The following BCAP29 variants were observed in gnomAD, a reference collection of about 807,000 sequenced individuals.
BCAP29 encodes the protein B cell receptor associated protein 29, also known as B-cell receptor-associated protein 29.
A neutral mutation model predicts 31.8 loss-of-function variants in BCAP29; 34 were observed. The ratio of observed to expected loss-of-function variants is 1.07; its 90% CI spans 0.81 to 1.42. The LOEUF is 1.42. Among genes scored for constraint, BCAP29 ranks in the 40% most tolerant of loss-of-function variants. The pLI is 0.00. For missense variants in BCAP29, 314 were observed against 269.2 expected (o/e 1.17, Z -1.16); for synonymous variants, 104 against 91.3 (o/e 1.14, Z -0.79).
At chr7:107,611,280 T>C (rs929457932) in intron 6 of BCAP29, among the ~76,000 whole-genome samples, 1 of 152,044 alleles carries the variant, frequency 6.6e-6, no homozygotes, top group African/African-American at 2.4e-5. Flanking sequence ...AAAACTACCA[T>C]TGTAGGCCAG....
chr7:107,598,573 T>C (rs1361865248), intron 5 of BCAP29, among the ~76,000 whole-genome samples: 2 of 152,190 alleles, frequency 1.3e-5, no homozygotes, highest in African/African-American at 4.8e-5. Context: ...AGACCATGTT[T>C]CTCTTATATT....
chr7:107,608,544 T>A (rs576134035), intron 6 of BCAP29, among the ~76,000 whole-genome samples: 1 of 152,334 alleles, frequency 6.6e-6, no homozygotes, highest in South Asian at 2.1e-4. Context: ...CAGGCTTATC[T>A]TGAACATTTC....
intron 6 of BCAP29, among the ~76,000 whole-genome samples, chr7:107,612,391 T>TTATA (rs36213596): frequency 0.022 from 666 of 30,326 alleles, 5 homozygotes; most frequent in South Asian, 0.031. Flanking sequence ...ATGTATTGTT[T>TTATA]TATATATATA....
chr7:107,594,008 T>G lies in BCAP29; in HGVS notation c.247T>G (p.Ser83Ala). The part of the protein sequence containing the change: ...YSSVHTIEKS[S>A]TSRPDAYEHT... ...CTCAGTTCATACCATTGAGAAGAGC[T>G]CCACCAGCAGACCTGATGCCTATGA... Residue 83 changes from serine (S) to alanine (A), a missense_variant, in exon 4 of 8, where the codon TCC becomes GCC. Physicochemically the swap from Ser to Ala is moderately conservative, Grantham distance 99. Coordinates refer to ENST00000005259, the MANE Select transcript of BCAP29 (RefSeq NM_018844.4). The G allele has an allele frequency of 6.2e-7, 1 of 1,613,892 alleles. No homozygotes were observed. The highest frequency in any genetic ancestry group is 8.5e-7 in the Non-Finnish European group (1 of 1,179,800).
chr7:107,617,062 G>A (rs1814317817), intron 7 of BCAP29, among the ~76,000 whole-genome samples: 1 of 152,082 alleles, frequency 6.6e-6, no homozygotes, highest in Non-Finnish European at 1.5e-5. Context: ...TTTAACTCTT[G>A]TGCTTTAATG....
In BCAP29 at chr7:107,618,686, T is replaced by A; in HGVS notation, c.*323T>A. On this transcript the variant is annotated 3_prime_UTR_variant, in exon 8 of 8. Transcript: ENST00000005259. ...CGGTTGCTTCCAAAATTAGAAGTTTTAAGTTGCATGAAACCATTAATAGCC... is the reference window on the plus strand; with the variant it reads ...CGGTTGCTTCCAAAATTAGAAGTTTAAAGTTGCATGAAACCATTAATAGCC... 1 of 1,132,248 alleles carries A rather than the reference T, an allele frequency of 8.8e-7. No homozygotes were observed. The highest frequency in any genetic ancestry group is 1.2e-6 in the Non-Finnish European group (1 of 808,960). 70.1% of individuals were successfully genotyped at this position (1,132,248 alleles called of 1,614,324 possible).
At chr7:107,602,673 C>T (rs1022508848) in intron 6 of BCAP29, among the ~76,000 whole-genome samples, 6 of 151,864 alleles carry the variant, frequency 4.0e-5, no homozygotes, top group African/African-American at 1.2e-4. Flanking sequence ...GGAAACAAAA[C>T]GTAAATACAA....
intron 6 of BCAP29, among the ~76,000 whole-genome samples, chr7:107,612,588 G>T (rs1245260352): frequency 6.6e-6 from 1 of 151,512 alleles, no homozygotes; most frequent in Non-Finnish European, 1.5e-5. Context: ...CCTATATATT[G>T]CTGCTTTAGT....
In BCAP29 at chr7:107,607,281, C is replaced by T. The variant is rs371540334; in HGVS notation, c.590-6051C>T. On this transcript the variant is annotated intron_variant, in intron 6 of 7. Transcript: ENST00000005259. ...GCAGTGATCCAAGATTGTGCCACTG[C>T]ACTCCAGTCTGGGCAACAGAGTAAG... 1.8e-4 allele frequency among the ~76,000 whole-genome samples: 27 copies of T among 152,324 alleles called. No individual in the cohort carries two copies. The East Asian group carries it at 3.3e-3, about 19-fold the overall frequency.
chr7:107,593,370 G>GC (rs1277977038), intron 3 of BCAP29, among the ~76,000 whole-genome samples: 3 of 152,192 alleles, frequency 2.0e-5, no homozygotes, highest in Non-Finnish European at 4.4e-5. Context: ...AGAACTGAAA[G>GC]CATCAAAGGA....
At chr7:107,599,842 G>C (rs918681092) in intron 5 of BCAP29, among the ~76,000 whole-genome samples, 1 of 152,002 alleles carries the variant, frequency 6.6e-6, no homozygotes, top group African/African-American at 2.4e-5. Flanking sequence ...AAAATATAAA[G>C]AGCATTATAA....
intron 2 of BCAP29, among the ~76,000 whole-genome samples, chr7:107,581,996 T>C (rs1274630893): frequency 2.0e-5 from 3 of 152,214 alleles, no homozygotes; most frequent in Non-Finnish European, 2.9e-5. Flanking sequence ...AAAATCTGGC[T>C]CTTAGTCCAG....
Position 107,595,926 on chromosome 7 carries a change from G to T in BCAP29, c.404G>T (p.Gly135Val). Residue 135 changes from glycine to valine, a missense_variant, in exon 5 of 8, where the codon GGT becomes GTT. Physicochemically the swap from Gly to Val is moderately radical, Grantham distance 109. Transcript: ENST00000005259. ...CTGGCAAAAGAACTGTCAAACAAAGGTGTACTTAAAACTCAAGCAGAAAAT... is the reference window on the plus strand; with the variant it reads ...CTGGCAAAAGAACTGTCAAACAAAGTTGTACTTAAAACTCAAGCAGAAAAT... The part of the protein sequence containing the change: ...TQLAKELSNK[G>V]VLKTQAENTN... 1 of 1,599,690 alleles carries T rather than the reference G, an allele frequency of 6.3e-7. No individual in the cohort carries two copies. Among genetic ancestry groups the T allele is most frequent in the South Asian group, 1.1e-5 (1 of 88,014 alleles).
At chr7:107,606,064 C>T (rs1393844424) in intron 6 of BCAP29, among the ~76,000 whole-genome samples, 1 of 152,132 alleles carries the variant, frequency 6.6e-6, no homozygotes, top group African/African-American at 2.4e-5. Context: ...TCCAAATACC[C>T]AGGTAATCTA....
rs116139321 is a variant in BCAP29, at chr7:107,582,930, C to T, written c.93-952C>T. Among the ~76,000 whole-genome samples the T allele has an allele frequency of 4.4e-3, 673 of 152,068 alleles. 8 individuals carry two copies. Among genetic ancestry groups the T allele is most frequent in the African/African-American group, 0.015 (633 of 41,492 alleles). On this transcript the variant is annotated intron_variant, in intron 2 of 7. Transcript: ENST00000005259. The stretch of plus-strand genomic sequence containing the variant: ...ACTTGGAAGCAGAGACAAAATGAAC[C>T]GATTCATCTGTATGAATCTCCCTCA...
intron 3 of BCAP29, among the ~76,000 whole-genome samples, chr7:107,593,342 C>T (rs1369885842): frequency 6.6e-6 from 1 of 152,178 alleles, no homozygotes; most frequent in Non-Finnish European, 1.5e-5. Context: ...AGTGGTTCCC[C>T]TGCATCTGAG....
At chr7:107,584,323 G>A (rs973207896) in intron 3 of BCAP29, among the ~76,000 whole-genome samples, 7 of 152,160 alleles carry the variant, frequency 4.6e-5, no homozygotes, top group Admixed American at 6.5e-5. Context: ...AGGCACCCAG[G>A]AGCTTAGCTG....
intron 3 of BCAP29, among the ~76,000 whole-genome samples, chr7:107,590,622 A>G (rs940965001): frequency 6.6e-6 from 1 of 152,138 alleles, no homozygotes; most frequent in African/African-American, 2.4e-5. Context: ...GTTGCAGACC[A>G]TCCTGGGCAA....
At chr7:107,599,052 A>G (rs1484552561) in intron 5 of BCAP29, among the ~76,000 whole-genome samples, 2 of 133,676 alleles carry the variant, frequency 1.5e-5, no homozygotes, top group Non-Finnish European at 3.1e-5. Context: ...ATATATATAA[A>G]ATATATTTAT....
Sources: allele counts gnomAD v4.1 joint callset (sites outside exome capture counted in the v4.1 genomes callset), GRCh38; gene constraint gnomAD v4.1.1; transcripts MANE v1.5; gene names NCBI Gene and HGNC (gene_info 2026-07-23, HGNC 2026-07-21).